The following CRACDL variants were observed in gnomAD, a reference collection of about 807,000 sequenced individuals.
The protein encoded by CRACDL is CRACD-like protein.
CRACDL carries 26 observed loss-of-function variants against 70.6 expected under a neutral mutation model. The observed-to-expected ratio is 0.37, with a 90% CI of 0.27 to 0.51. CRACDL has a LOEUF of 0.51. Ranked by LOEUF, CRACDL falls within the 20% of genes least tolerant of loss-of-function variation. The probability of loss-of-function intolerance (pLI) is 0.94; values close to 1 mark genes in which losing one functional copy is unlikely to be tolerated. For synonymous variants in CRACDL, 618 were observed against 615.2 expected (o/e 1.00, Z -0.07); for missense variants, 1,283 against 1,376.9 (o/e 0.93, Z 1.08).
chr2:98,912,779 G>A (rs1708575575), intron 1 of CRACDL: 1 of 152,490 alleles, frequency 6.6e-6, no homozygotes, highest in African/African-American at 2.4e-5. Context: ...GGATGGGAAG[G>A]AAGGCTGCTG....
At chr2:98,929,604 C>A (rs2104706194) in intron 1 of CRACDL, among the ~76,000 whole-genome samples, 1 of 152,264 alleles carries the variant, frequency 6.6e-6, no homozygotes, top group South Asian at 2.1e-4. Flanking sequence ...CAGACCCACA[C>A]CTGGTCCCAG....
In CRACDL at chr2:98,903,786, C is replaced by T. The variant is rs146300755; in HGVS notation, c.-11+32152G>A. Among the ~76,000 whole-genome samples the T allele has an allele frequency of 9.8e-5, 15 of 152,340 alleles. No homozygotes were observed. In the East Asian group the frequency reaches 2.5e-3, roughly 25 times the overall value. ...GTAGTCATTTTTAAGTCAGATACAT[C>T]ACTAAATTATGAAGAAAAAGATATT... On this transcript the variant is annotated intron_variant, in intron 1 of 9. Coordinates refer to ENST00000397899, the MANE Select transcript of CRACDL (RefSeq NM_207362.3).
chr2:98,902,347 G>T lies in CRACDL; in HGVS notation c.-11+33591C>A, dbSNP rs373674906. 4.8e-4 allele frequency among the ~76,000 whole-genome samples: 73 copies of T among 152,238 alleles called. No individual in the cohort carries two copies. The Middle Eastern group carries it at 0.01, about 21-fold the overall frequency. On this transcript the variant is annotated intron_variant, in intron 1 of 9. Transcript: ENST00000397899. ...CGAGTCAGGCCTCCGGAGAAGGCCC[G>T]TGATGACCCTGCCTCTCAGCCAGGA...
intron 1 of CRACDL, among the ~76,000 whole-genome samples, chr2:98,870,289 G>T (rs1303082530): frequency 6.6e-6 from 1 of 152,176 alleles, no homozygotes; most frequent in Non-Finnish European, 1.5e-5. Flanking sequence ...AGATGGTTCT[G>T]AAAAAGCCCT....
At chr2:98,886,026 G>A (rs12614153) in intron 1 of CRACDL, among the ~76,000 whole-genome samples, 4,493 of 152,100 alleles carry the variant, frequency 0.03, 167 homozygotes, top group South Asian at 0.17. Context: ...TAAAATTAGT[G>A]AGCTCTACAG....
Position 98,823,220 on chromosome 2 carries a change from G to C in CRACDL, c.1053C>G (p.Arg351=). ...CCTCCGGCGGGGACGGGGGCTCCAC[G>C]CGGAGAGTGGGGGCCGACTCGGGCT... is the stretch of plus-strand genomic sequence containing the variant. ...LAEPESAPTL[R]VEPPSPPEGP... Residue 351 remains arginine (R), a synonymous_variant, in exon 7 of 10, where the codon CGC becomes CGG. Coordinates refer to ENST00000397899, the MANE Select transcript of CRACDL (RefSeq NM_207362.3). The surrounding 1 kb of genome is among the most constrained non-coding windows in gnomAD (Gnocchi z 4.0). 1 of 1,418,928 alleles carries C rather than the reference G, an allele frequency of 7.0e-7. No individual in the cohort carries two copies. The highest frequency in any genetic ancestry group is 9.2e-7 in the Non-Finnish European group (1 of 1,088,928). The allele number at this position is 1,418,928 out of a possible 1,614,324, so 87.9% of individuals were successfully genotyped here.
chr2:98,854,360 A>G lies in CRACDL; in HGVS notation c.-10-7550T>C, dbSNP rs372916217. On this transcript the variant is annotated intron_variant, in intron 1 of 9. Coordinates refer to ENST00000397899, the MANE Select transcript of CRACDL (RefSeq NM_207362.3). ...AGTTGAAAAATGATAAATATTAAATAAAAAATATATAAAGCTTCTAAAAAA... is the reference window on the plus strand; with the variant it reads ...AGTTGAAAAATGATAAATATTAAATGAAAAATATATAAAGCTTCTAAAAAA... 7.9e-5 allele frequency among the ~76,000 whole-genome samples: 12 copies of G among 151,106 alleles called. No homozygotes were observed. In the South Asian group the frequency reaches 2.1e-3, roughly 26 times the overall value.
chr2:98,933,908 G>A (rs1281719541), intron 1 of CRACDL, among the ~76,000 whole-genome samples: 6 of 152,178 alleles, frequency 3.9e-5, no homozygotes, highest in African/African-American at 1.4e-4. Context: ...CAAGATCAAG[G>A]CACTGGCAGG....
intron 1 of CRACDL, among the ~76,000 whole-genome samples, chr2:98,931,342 A>T (rs1204906946): frequency 6.6e-6 from 1 of 151,380 alleles, no homozygotes; most frequent in Non-Finnish European, 1.5e-5. Flanking sequence ...AAAAAAAAAA[A>T]AAAGACACTA....
chr2:98,904,751 C>A (rs983361460), intron 1 of CRACDL, among the ~76,000 whole-genome samples: 19 of 152,166 alleles, frequency 1.2e-4, no homozygotes, highest in Non-Finnish European at 4.4e-5. Flanking sequence ...TTTGTAATTT[C>A]TTTTCCTTTT....
chr2:98,808,194 G>A (rs564505237), intron 7 of CRACDL, among the ~76,000 whole-genome samples: 1 of 152,322 alleles, frequency 6.6e-6, no homozygotes, highest in South Asian at 2.1e-4. Context: ...TATTCCAGAC[G>A]TACTGGGTGG....
At chr2:98,835,018 T>C (rs1705711298) in intron 3 of CRACDL, among the ~76,000 whole-genome samples, 1 of 152,222 alleles carries the variant, frequency 6.6e-6, no homozygotes, top group South Asian at 2.1e-4. Flanking sequence ...GTATTTATAA[T>C]ATTTTTAACT....
At chr2:98,893,129 G>A (rs1427951737) in intron 1 of CRACDL, among the ~76,000 whole-genome samples, 2 of 152,148 alleles carry the variant, frequency 1.3e-5, no homozygotes, top group Non-Finnish European at 2.9e-5. Context: ...GCACAGGGAG[G>A]GAAATGGGCT....
chr2:98,825,854 T>C (rs149921859), intron 6 of CRACDL, among the ~76,000 whole-genome samples: 1 of 152,226 alleles, frequency 6.6e-6, no homozygotes, highest in Non-Finnish European at 1.5e-5. Context: ...ACACCTTCCA[T>C]ATGCCCAAAG....
intron 7 of CRACDL, among the ~76,000 whole-genome samples, chr2:98,798,100 C>G (rs1703909357): frequency 6.6e-6 from 1 of 152,194 alleles, no homozygotes; most frequent in Non-Finnish European, 1.5e-5. Flanking sequence ...TCCCAACTCT[C>G]TGGAAGGCCA....
chr2:98,861,187 A>C (rs1292953467), intron 1 of CRACDL, among the ~76,000 whole-genome samples: 1 of 152,148 alleles, frequency 6.6e-6, no homozygotes, highest in Non-Finnish European at 1.5e-5. Context: ...TCTCTACTAA[A>C]AATACAAAAA....
chr2:98,879,060 A>G (rs1158025071), intron 1 of CRACDL, among the ~76,000 whole-genome samples: 1 of 152,128 alleles, frequency 6.6e-6, no homozygotes, highest in African/African-American at 2.4e-5. Flanking sequence ...TGCCCTGGCA[A>G]CCTGCTCCCT....
At chr2:98,913,871 C>T (rs1708603563) in intron 1 of CRACDL, among the ~76,000 whole-genome samples, 1 of 152,172 alleles carries the variant, frequency 6.6e-6, no homozygotes, top group South Asian at 2.1e-4. Context: ...GGCAGGTGAT[C>T]CTGCAGCAAC....
intron 5 of CRACDL, 94 bp downstream of exon 5, chr2:98,832,254 G>A: frequency 7.3e-7 from 1 of 1,373,778 alleles, no homozygotes; most frequent in Non-Finnish European, 1.0e-6. Context: ...GCACAGCCTG[G>A]AGATCTTAGG....
Sources: allele counts gnomAD v4.1 joint callset (sites outside exome capture counted in the v4.1 genomes callset), GRCh38; gene constraint gnomAD v4.1.1; non-coding constraint Gnocchi (gnomAD v3.1); transcripts MANE v1.5; gene names NCBI Gene and HGNC (gene_info 2026-07-23, HGNC 2026-07-21).